CCDC149: variants seen among roughly 807,000 people sequenced by gnomAD.
CCDC149 encodes the protein coiled-coil domain-containing protein 149.
In CCDC149, 45 loss-of-function variants were observed where a neutral mutation model predicts 59.9. The ratio of observed to expected loss-of-function variants is 0.75; its 90% confidence interval spans 0.59 to 0.96. The LOEUF is 0.96. Ranked by LOEUF, CCDC149 falls within the 40% of genes least tolerant of loss-of-function variation. The pLI, the probability that CCDC149 is intolerant of heterozygous loss-of-function variation, is 0.00. For missense variants in CCDC149, 584 were observed against 664.7 expected, an observed-to-expected ratio of 0.88 and a Z score of 1.33; for synonymous variants, 245 against 260.6, an observed-to-expected ratio of 0.94 and a Z score of 0.58.
intron 4 of CCDC149, among the ~76,000 whole-genome samples, chr4:24,840,509 G>A (rs1448475904): frequency 1.3e-5 from 2 of 152,136 alleles, no homozygotes; most frequent in African/African-American, 2.4e-5. Context: ...CGACACACAC[G>A]TTCCCACGGA....
intron 1 of CCDC149, among the ~76,000 whole-genome samples, chr4:24,971,332 G>C (rs1488965576): frequency 6.6e-6 from 1 of 152,188 alleles, no homozygotes; most frequent in African/African-American, 2.4e-5. Flanking sequence ...CCTTGCCCGG[G>C]GGACGCCCTC....
chr4:24,866,381 G>A (rs1006673598), intron 3 of CCDC149, among the ~76,000 whole-genome samples: 2 of 152,142 alleles, frequency 1.3e-5, no homozygotes, highest in Non-Finnish European at 2.9e-5. Context: ...CCGGGAAAAT[G>A]TACCTCTGTG....
intron 3 of CCDC149, among the ~76,000 whole-genome samples, chr4:24,868,144 T>C (rs1718813099): frequency 6.6e-6 from 1 of 152,178 alleles, no homozygotes; most frequent in South Asian, 2.1e-4. Context: ...TGTGCCTCGA[T>C]CCCCTTCCTG....
intron 12 of CCDC149, among the ~76,000 whole-genome samples, chr4:24,814,507 C>G (rs1369038004): frequency 1.3e-5 from 2 of 152,190 alleles, no homozygotes; most frequent in Non-Finnish European, 2.9e-5. Flanking sequence ...CTTCGCTACC[C>G]AAAGTGTGGT....
rs181910163 is a variant in CCDC149 at position 24,817,500 on chromosome 4, T to C, written c.1192+2359A>G. ...CACTCCATGCAGTATTATGGTCCTATGATCAGGCTCTCAAACCTGTTGGCT... is the reference window on the plus strand; with the variant it reads ...CACTCCATGCAGTATTATGGTCCTACGATCAGGCTCTCAAACCTGTTGGCT... On this transcript the variant is annotated intron_variant, in intron 12 of 12. Coordinates refer to ENST00000635206, the MANE Select transcript of CCDC149 (RefSeq NM_001330643.2). Among the ~76,000 whole-genome samples, 370 of 152,198 alleles carry C rather than the reference T, an allele frequency of 2.4e-3. 2 individuals carry two copies. Among genetic ancestry groups the C allele is most frequent in the Non-Finnish European group, 4.5e-3 (306 of 67,998 alleles).
rs1433444821 is a variant in CCDC149, at chr4:24,927,444, AC to A, written c.-64-32327del. ...GTTTTCCATAGCTCTTGCAGAGCAA[AC>A]AGCTGCGTTTATTTGCATCCAAAAA... is the stretch of plus-strand genomic sequence containing the variant. On this transcript the variant is annotated intron_variant, in intron 1 of 12. Transcript: ENST00000389609. Among the ~76,000 whole-genome samples the A allele has an allele frequency of 9.2e-5, 14 of 152,388 alleles. No individual in the cohort carries two copies. The East Asian group carries it at 2.5e-3, about 27-fold the overall frequency.
At chr4:24,839,020 TCTCTCTCTCACACACACA>T (rs1716740930) in intron 4 of CCDC149, among the ~76,000 whole-genome samples, 1 of 111,124 alleles carries the variant, frequency 9.0e-6, no homozygotes, top group South Asian at 3.3e-4. Context: ...TCTCTCTCTC[TCTCTCTCTCACACACACA>T]CACACACACA....
intron 1 of CCDC149, among the ~76,000 whole-genome samples, chr4:24,935,533 C>T (rs1722712526): frequency 1.3e-5 from 2 of 152,028 alleles, no homozygotes; most frequent in Non-Finnish European, 1.5e-5. Flanking sequence ...GACAGCAGAA[C>T]CCTCATGAGT....
At chr4:24,959,963 A>T (rs1056326749) in intron 1 of CCDC149, among the ~76,000 whole-genome samples, 2 of 152,254 alleles carry the variant, frequency 1.3e-5, no homozygotes, top group Non-Finnish European at 2.9e-5. Flanking sequence ...GGTCTTCAAA[A>T]AGGAATGAGG....
intron 3 of CCDC149, among the ~76,000 whole-genome samples, chr4:24,861,356 C>T (rs1421626217): frequency 6.6e-6 from 1 of 151,670 alleles, no homozygotes; most frequent in East Asian, 1.9e-4. Context: ...GAGTTGGAGA[C>T]TATTATTCTA....
chr4:24,888,231 T>C (rs1720312254), intron 1 of CCDC149, among the ~76,000 whole-genome samples: 1 of 152,186 alleles, frequency 6.6e-6, no homozygotes, highest in Admixed American at 6.5e-5. Context: ...GAATACATAT[T>C]TAAGAAATAA....
intron 3 of CCDC149, among the ~76,000 whole-genome samples, chr4:24,873,059 C>T (rs1409818497): frequency 6.6e-6 from 1 of 151,850 alleles, no homozygotes; most frequent in Non-Finnish European, 1.5e-5. Context: ...AAATGGTGTG[C>T]ACCCACAGAA....
chr4:24,916,245 C>T (rs1527358), upstream of CCDC149, among the ~76,000 whole-genome samples: 1,237 of 152,230 alleles, frequency 8.1e-3, 24 homozygotes, highest in African/African-American at 0.028. Flanking sequence ...TATTTATGTG[C>T]ACCTATAGTG....
chr4:24,867,951 A>G (rs1314244943), intron 3 of CCDC149, among the ~76,000 whole-genome samples: 3 of 152,146 alleles, frequency 2.0e-5, no homozygotes, highest in African/African-American at 7.2e-5. Context: ...CTATACATAC[A>G]TCTCGTGACC....
rs1044962422 is a variant in CCDC149 at position 24,869,915 on chromosome 4, C to A, written c.264+3766G>T. ...ATCAAAGTCGATGAGTGTATAGCAGCCCCCTGGTGCGTGCTATTAGACCAG... is the reference window on the plus strand; with the variant it reads ...ATCAAAGTCGATGAGTGTATAGCAGACCCCTGGTGCGTGCTATTAGACCAG... On this transcript the variant is annotated intron_variant, in intron 3 of 12. Coordinates refer to ENST00000635206, the MANE Select transcript of CCDC149 (RefSeq NM_001330643.2). 3.3e-5 allele frequency among the ~76,000 whole-genome samples: 5 copies of A among 152,328 alleles called. No individual in the cohort carries two copies. In the South Asian group the frequency reaches 8.3e-4, roughly 25 times the overall value.
intron 8 of CCDC149, among the ~76,000 whole-genome samples, chr4:24,833,556 A>G (rs1716303549): frequency 6.6e-6 from 1 of 152,136 alleles, no homozygotes. Flanking sequence ...TCTGGGAGGC[A>G]GGGGTTGCAG....
At chr4:24,835,724 G>A (rs192954573) in intron 7 of CCDC149, among the ~76,000 whole-genome samples, 2 of 152,240 alleles carry the variant, frequency 1.3e-5, no homozygotes, top group East Asian at 1.9e-4. Context: ...AGAACAGCAC[G>A]GAGACTTGTG....
At chr4:24,856,123 C>T (rs866784604) in intron 3 of CCDC149, among the ~76,000 whole-genome samples, 15 of 149,782 alleles carry the variant, frequency 1.0e-4, no homozygotes, top group African/African-American at 3.0e-4. Flanking sequence ...GCTACTCCAA[C>T]GCTCAGTGAA....
At chr4:24,851,222 C>A (rs977743017) in intron 4 of CCDC149, among the ~76,000 whole-genome samples, 2 of 152,224 alleles carry the variant, frequency 1.3e-5, no homozygotes, top group Non-Finnish European at 2.9e-5. Flanking sequence ...AACATGCTCT[C>A]TCACACACAC....
Sources: allele counts gnomAD v4.1 joint callset (sites outside exome capture counted in the v4.1 genomes callset), GRCh38; gene constraint gnomAD v4.1.1; transcripts MANE v1.5; gene names NCBI Gene and HGNC (gene_info 2026-07-23, HGNC 2026-07-21).